FGF12: variants seen among roughly 807,000 people sequenced by gnomAD.
FGF12 encodes fibroblast growth factor 12B.
Under a neutral mutation model 23.6 loss-of-function variants are expected in FGF12, and 14 were observed. The ratio of observed to expected loss-of-function variants is 0.59; its 90% CI spans 0.39 to 0.93. The LOEUF (loss-of-function observed/expected upper bound fraction) is 0.93. Ranked by LOEUF, FGF12 falls within the 40% of genes least tolerant of loss-of-function variation. FGF12 has a pLI of 0.00. For synonymous variants in FGF12, 62 were observed against 77.3 expected (o/e 0.80, Z 1.04); for missense variants, 175 against 217.8 (o/e 0.80, Z 1.24).
At chr3:192,628,768 A>T (rs11924078) in intron 2 of FGF12, among the ~76,000 whole-genome samples, 49,650 of 150,432 alleles carry the variant, frequency 0.33, 9,199 homozygotes, top group African/African-American at 0.51. Flanking sequence ...TTTTACTATA[A>T]AAGTTGACGC....
intron 2 of FGF12, among the ~76,000 whole-genome samples, chr3:192,670,237 T>C (rs939851054): frequency 2.0e-5 from 3 of 152,168 alleles, no homozygotes; most frequent in African/African-American, 4.8e-5. Flanking sequence ...TTCTTCACAC[T>C]AATTTTTTGT....
At position 192,495,141 on chromosome 3, in the gene FGF12, G is replaced by C. The variant is rs919488016; in HGVS notation, c.14-134603C>G. ...CCCAAAGTGCTGGGATTACAGGCGT[G>C]AGCCACTGCACCTGGCCACTAACAC... On this transcript the variant is annotated intron_variant, in intron 2 of 5. Transcript: ENST00000445105. 2.7e-4 allele frequency among the ~76,000 whole-genome samples: 41 copies of C among 152,260 alleles called. 1 individual carries two copies. Among genetic ancestry groups the C allele is most frequent in the African/African-American group, 8.9e-4 (37 of 41,548 alleles).
chr3:192,387,233 T>C (rs746588219), intron 2 of FGF12, among the ~76,000 whole-genome samples: 36 of 152,312 alleles, frequency 2.4e-4, no homozygotes, highest in Non-Finnish European at 4.1e-4. Flanking sequence ...TATTCTATTA[T>C]ATCTCACAGG....
At chr3:192,258,206 C>T (rs1712527038) in intron 4 of FGF12, among the ~76,000 whole-genome samples, 1 of 151,888 alleles carries the variant, frequency 6.6e-6, no homozygotes, top group South Asian at 2.1e-4. Context: ...GCCTGTAATC[C>T]CAGCAATTTG....
At chr3:192,486,526 C>A (rs1238185405) in intron 2 of FGF12, among the ~76,000 whole-genome samples, 1 of 151,944 alleles carries the variant, frequency 6.6e-6, no homozygotes, top group African/African-American at 2.4e-5. Flanking sequence ...AAATTAAAAG[C>A]CTCTAGTGTC....
intron 2 of FGF12, among the ~76,000 whole-genome samples, chr3:192,714,207 C>G (rs1718786421): frequency 6.6e-6 from 1 of 152,148 alleles, no homozygotes; most frequent in Admixed American, 6.5e-5. Flanking sequence ...GATTAGGACC[C>G]TTGCCCAATG....
At chr3:192,178,401 C>G (rs756733798) in intron 4 of FGF12, among the ~76,000 whole-genome samples, 5 of 152,130 alleles carry the variant, frequency 3.3e-5, no homozygotes, top group Non-Finnish European at 5.9e-5. Context: ...TAATGACTCT[C>G]CATATGGTAT....
chr3:192,509,062 G>GA (rs1553823364), intron 2 of FGF12, among the ~76,000 whole-genome samples: 41 of 145,532 alleles, frequency 2.8e-4, no homozygotes, highest in African/African-American at 9.3e-4. Context: ...ATCCTGAAGG[G>GA]TTTTTTTTTT....
intron 4 of FGF12, among the ~76,000 whole-genome samples, chr3:192,292,118 C>G (rs6768303): frequency 0.028 from 4,282 of 152,224 alleles, 202 homozygotes; most frequent in African/African-American, 0.098. Context: ...AAATTTAAAA[C>G]TACTCACTAA....
At chr3:192,398,293 T>G (rs1720609183) in intron 2 of FGF12, among the ~76,000 whole-genome samples, 2 of 152,218 alleles carry the variant, frequency 1.3e-5, no homozygotes, top group African/African-American at 4.8e-5. Flanking sequence ...AGATCTGTGT[T>G]TCATGTTCCC....
chr3:192,719,662 T>G (rs1718972741), intron 2 of FGF12, among the ~76,000 whole-genome samples: 1 of 134,846 alleles, frequency 7.4e-6, no homozygotes, highest in African/African-American at 3.0e-5. Context: ...AATGTGTAAA[T>G]AGTCTAATTT....
At chr3:192,375,125 T>A (rs6806541) in intron 2 of FGF12, among the ~76,000 whole-genome samples, 25,829 of 152,178 alleles carry the variant, frequency 0.17, 2,508 homozygotes, top group East Asian at 0.44. Context: ...AGCAATTTGA[T>A]TATCTCATTC....
intron 2 of FGF12, among the ~76,000 whole-genome samples, chr3:192,643,976 C>G (rs1417640978): frequency 6.6e-6 from 1 of 152,108 alleles, no homozygotes; most frequent in Non-Finnish European, 1.5e-5. Flanking sequence ...TCAGAACTTA[C>G]AAAGCTAAAA....
intron 2 of FGF12, among the ~76,000 whole-genome samples, chr3:192,668,839 T>C (rs970871003): frequency 6.6e-6 from 1 of 152,018 alleles, no homozygotes; most frequent in Non-Finnish European, 1.5e-5. Context: ...ATAATCCATA[T>C]CCACGAAATA....
chr3:192,450,781 C>T (rs9882959), intron 2 of FGF12, among the ~76,000 whole-genome samples: 19,098 of 152,126 alleles, frequency 0.13, 3,890 homozygotes, highest in African/African-American at 0.43. Context: ...ATTTAGCCTC[C>T]GTATCTAATT....
At chr3:192,235,372 A>G (rs1025641616) in intron 4 of FGF12, among the ~76,000 whole-genome samples, 1 of 152,150 alleles carries the variant, frequency 6.6e-6, no homozygotes, top group Non-Finnish European at 1.5e-5. Context: ...CAGTGGCGCA[A>G]TCTTGGCTCA....
At chr3:192,612,594 C>T (rs1446463245) in intron 2 of FGF12, among the ~76,000 whole-genome samples, 1 of 151,512 alleles carries the variant, frequency 6.6e-6, no homozygotes, top group Non-Finnish European at 1.5e-5. Flanking sequence ...AAATGGTCAC[C>T]ATAAAGTAAG....
chr3:192,290,360 ACTGC>A (rs1361396941), intron 4 of FGF12, among the ~76,000 whole-genome samples: 1 of 152,160 alleles, frequency 6.6e-6, no homozygotes, highest in African/African-American at 2.4e-5. Context: ...GCTGCACTAC[ACTGC>A]CTACTGATCG....
At chr3:192,344,310 T>G (rs1050648276) in intron 3 of FGF12, among the ~76,000 whole-genome samples, 35 of 152,222 alleles carry the variant, frequency 2.3e-4, no homozygotes, top group African/African-American at 7.9e-4. Context: ...GGAACATGGC[T>G]GGGTGGTCAT....
Sources: gnomAD v4.1 joint callset for allele counts (sites outside exome capture counted in the v4.1 genomes callset) on GRCh38, gnomAD v4.1.1 for gene constraint, MANE v1.5 for transcripts, NCBI Gene and HGNC (gene_info 2026-07-23, HGNC 2026-07-21) for gene names.